The following IGF1R variants were observed in gnomAD, a reference collection of about 807,000 sequenced individuals.
The protein encoded by IGF1R is insulin-like growth factor 1 receptor.
IGF1R carries 44 observed loss-of-function variants against 144.6 expected under a neutral mutation model. The observed-to-expected ratio is 0.30, with a 90% CI of 0.24 to 0.39. IGF1R has a LOEUF of 0.39. IGF1R is among the 10% of genes least tolerant of loss of function. IGF1R has a pLI of 1.00. For synonymous variants in IGF1R, 795 were observed against 722.8 expected, an observed-to-expected ratio of 1.10 and a Z score of -1.60; for missense variants, 1,355 against 1,833.7, an observed-to-expected ratio of 0.74 and a Z score of 4.77.
intron 2 of IGF1R, among the ~76,000 whole-genome samples, chr15:98,759,389 T>A (rs1490572384): frequency 1.3e-5 from 2 of 152,230 alleles, no homozygotes; most frequent in Non-Finnish European, 2.9e-5. Flanking sequence ...AATTATTTAG[T>A]GTGTTCTCTC....
At chr15:98,718,458 G>T (rs1000052521) in intron 2 of IGF1R, among the ~76,000 whole-genome samples, 9 of 152,234 alleles carry the variant, frequency 5.9e-5, no homozygotes, top group Non-Finnish European at 7.3e-5. Flanking sequence ...CGTTCCTGGG[G>T]TTAATGCAGA....
At chr15:98,673,937 T>C (rs1034493294) in intron 1 of IGF1R, among the ~76,000 whole-genome samples, 3 of 152,154 alleles carry the variant, frequency 2.0e-5, no homozygotes, top group African/African-American at 7.2e-5. Context: ...TGAAAAAGAT[T>C]TGGAAAAAAT....
intron 10 of IGF1R, 100 bp from the exon 11 acceptor site, chr15:98,922,048 C>A (rs2015510577): frequency 7.5e-6 from 10 of 1,341,130 alleles, no homozygotes; most frequent in Non-Finnish European, 1.1e-5. Context: ...ATAGCTCCTT[C>A]TATTCCACGG....
intron 10 of IGF1R, among the ~76,000 whole-genome samples, chr15:98,918,780 G>T (rs1004259168): frequency 2.0e-5 from 3 of 152,190 alleles, no homozygotes; most frequent in African/African-American, 7.2e-5. Flanking sequence ...TTGGGAAGCT[G>T]AGGCAGGATA....
At chr15:98,850,791 G>A (rs1473250693) in intron 2 of IGF1R, among the ~76,000 whole-genome samples, 8 of 152,110 alleles carry the variant, frequency 5.3e-5, no homozygotes. Context: ...CTAGGTAGGG[G>A]TACTTGACTT....
intron 9 of IGF1R, chr15:98,916,421 C>G (rs2015252015): frequency 3.5e-6 from 2 of 563,854 alleles, no homozygotes; most frequent in Admixed American, 3.0e-5. Context: ...ACCACCATGC[C>G]CAGCTAATTT....
At chr15:98,875,349 C>CTTTTTTTT (rs34303390) in intron 2 of IGF1R, among the ~76,000 whole-genome samples, 16 of 130,196 alleles carry the variant, frequency 1.2e-4, no homozygotes, top group South Asian at 2.4e-4. Flanking sequence ...CTTTTCTTTT[C>CTTTTTTTT]TTTTTTTTTT....
intron 8 of IGF1R, 84 bp downstream of exon 8, chr15:98,913,366 T>A: frequency 9.6e-7 from 1 of 1,040,690 alleles, no homozygotes; most frequent in Non-Finnish European, 1.5e-6. Flanking sequence ...CATTGTAGGG[T>A]TAGCAGTGAG....
At chr15:98,665,286 C>G (rs1422491965) in intron 1 of IGF1R, among the ~76,000 whole-genome samples, 3 of 152,160 alleles carry the variant, frequency 2.0e-5, no homozygotes, top group Non-Finnish European at 4.4e-5. Context: ...GAGAGTTTGA[C>G]AAGCGCTCCA....
intron 1 of IGF1R, among the ~76,000 whole-genome samples, chr15:98,660,932 C>G (rs1036921133): frequency 4.6e-5 from 7 of 152,122 alleles, no homozygotes; most frequent in African/African-American, 1.7e-4. Context: ...CTGGTGGTCT[C>G]CGGAGTGGCC....
chr15:98,961,224 G>A lies in IGF1R; in HGVS notation c.*3782G>A. ...TTGGAATAACGGCCTCTCCTCTCGT[G>A]CACATACCTACCGGTTTCCACAACT... On this transcript the variant is annotated 3_prime_UTR_variant, in exon 21 of 21. Transcript: ENST00000650285. 1 of 233,574 alleles carries A rather than the reference G, an allele frequency of 4.3e-6. No homozygotes were observed. Among genetic ancestry groups the A allele is most frequent in the East Asian group, 6.0e-5 (1 of 16,574 alleles). 14.5% of individuals were successfully genotyped at this position (233,574 alleles called of 1,614,324 possible).
At position 98,781,193 on chromosome 15, in the gene IGF1R, A is replaced by G. The variant is rs201836511; in HGVS notation, c.640+73086A>G. Among the ~76,000 whole-genome samples, 9 of 152,344 alleles carry G rather than the reference A, an allele frequency of 5.9e-5. No homozygotes were observed. In the East Asian group the frequency reaches 1.2e-3, roughly 20 times the overall value. On this transcript the variant is annotated intron_variant, in intron 2 of 20. Transcript: ENST00000650285. Reference sequence around the variant, plus strand: ...TAGGTGAGAAACTGGAATATTATCAATGTCACTTCTTCCCAAATTGATTTA... The same window carrying G: ...TAGGTGAGAAACTGGAATATTATCAGTGTCACTTCTTCCCAAATTGATTTA...
At chr15:98,931,576 T>C (rs2015942460) in intron 15 of IGF1R, among the ~76,000 whole-genome samples, 1 of 152,152 alleles carries the variant, frequency 6.6e-6, no homozygotes, top group Non-Finnish European at 1.5e-5. Context: ...AGTTGGTTTT[T>C]TAATAGTAAT....
rs141731141 is a variant in IGF1R at position 98,723,351 on chromosome 15, C to T, written c.640+15244C>T. 4.6e-3 allele frequency among the ~76,000 whole-genome samples: 703 copies of T among 152,304 alleles called. 5 individuals are homozygous for T. Among genetic ancestry groups the T allele is most frequent in the African/African-American group, 0.015 (605 of 41,552 alleles). ...GTCAAAGAAAAACTCTGCATATGATCTTTGGCCTGGAGAAATATTAAATCT... is the reference window on the plus strand; with the variant it reads ...GTCAAAGAAAAACTCTGCATATGATTTTTGGCCTGGAGAAATATTAAATCT... On this transcript the variant is annotated intron_variant, in intron 2 of 20. Coordinates refer to ENST00000650285, the MANE Select transcript of IGF1R (RefSeq NM_000875.5).
At chr15:98,751,503 A>C (rs1187972058) in intron 2 of IGF1R, among the ~76,000 whole-genome samples, 1 of 152,178 alleles carries the variant, frequency 6.6e-6, no homozygotes, top group Non-Finnish European at 1.5e-5. Context: ...TGGTAGTGTA[A>C]AGTGACATGG....
chr15:98,873,737 G>C (rs922268688), intron 2 of IGF1R: 2 of 152,214 alleles, frequency 1.3e-5, no homozygotes, highest in African/African-American at 4.8e-5. Context: ...ATATCTTTCT[G>C]TGGTCACACC....
chr15:98,962,780 G>C lies in IGF1R; in HGVS notation c.*5338G>C, dbSNP rs1484562721. On this transcript the variant is annotated 3_prime_UTR_variant, in exon 21 of 21. Transcript: ENST00000650285. Reference sequence around the variant, plus strand: ...CCACATCGAGGCTCAGCAGTCATCCGTGGGCATTTGGTTTCAACAAAGAAA... The same window carrying C: ...CCACATCGAGGCTCAGCAGTCATCCCTGGGCATTTGGTTTCAACAAAGAAA... The C allele has an allele frequency of 4.3e-6, 1 of 233,418 alleles. No individual in the cohort carries two copies. The highest frequency in any genetic ancestry group is 2.2e-5 in the African/African-American group (1 of 45,348). The allele number at this position is 233,418 out of a possible 1,614,324, so 14.5% of individuals were successfully genotyped here. A position where few individuals can be genotyped will look rare whatever the true frequency, so the allele number is the denominator to read the frequency against.
intron 2 of IGF1R, among the ~76,000 whole-genome samples, chr15:98,875,650 G>C (rs1471669434): frequency 6.6e-6 from 1 of 152,022 alleles, no homozygotes; most frequent in Non-Finnish European, 1.5e-5. Flanking sequence ...TGATTTTATA[G>C]TTATTCTAAG....
intron 2 of IGF1R, among the ~76,000 whole-genome samples, chr15:98,863,092 T>C (rs2012246677): frequency 6.6e-6 from 1 of 152,224 alleles, no homozygotes; most frequent in African/African-American, 2.4e-5. Context: ...TTTTCCTGGG[T>C]TTTCTTTAGT....
Sources: allele counts gnomAD v4.1 joint callset (sites outside exome capture counted in the v4.1 genomes callset), GRCh38; gene constraint gnomAD v4.1.1; transcripts MANE v1.5; gene names NCBI Gene and HGNC (gene_info 2026-07-23, HGNC 2026-07-21).